Variants in HDAC9 observed in about 807,000 individuals in gnomAD.
HDAC9 encodes MEF-2 interacting transcription repressor (MITR) protein.
Under a neutral mutation model 139.4 loss-of-function variants are expected in HDAC9, and 41 were observed. The ratio of observed to expected loss-of-function variants is 0.29; its 90% CI spans 0.23 to 0.38. HDAC9 has a LOEUF of 0.38. HDAC9 is among the 10% of genes least tolerant of loss of function. The probability of loss-of-function intolerance (pLI) is 1.00; values close to 1 mark genes in which losing one functional copy is unlikely to be tolerated. For synonymous variants in HDAC9, 517 were observed against 476.2 expected, an observed-to-expected ratio of 1.09 and a Z score of -1.12; for missense variants, 1,147 against 1,297.0, an observed-to-expected ratio of 0.88 and a Z score of 1.78.
chr7:18,668,804 T>C, intron 12 of HDAC9: 1 of 983,184 alleles, frequency 1.0e-6, no homozygotes, highest in South Asian at 4.7e-5. Flanking sequence ...CCTTCTGTTA[T>C]AAGTCTCTTC....
At chr7:18,363,749 C>T (rs552551687) in intron 1 of HDAC9, among the ~76,000 whole-genome samples, 13 of 152,166 alleles carry the variant, frequency 8.5e-5, no homozygotes, top group South Asian at 4.1e-4. Flanking sequence ...TAGAGACAAA[C>T]GGGGACATTA....
chr7:18,948,714 A>C (rs1782577807), intron 23 of HDAC9, among the ~76,000 whole-genome samples: 1 of 152,176 alleles, frequency 6.6e-6, no homozygotes, highest in African/African-American at 2.4e-5. Context: ...CAAAGGGTGG[A>C]GTTCCATCTT....
At chr7:18,323,261 A>G (rs570733913) in intron 1 of HDAC9, among the ~76,000 whole-genome samples, 2 of 152,150 alleles carry the variant, frequency 1.3e-5, no homozygotes, top group Non-Finnish European at 2.9e-5. Context: ...ATCTAGACCC[A>G]CGACTATTTC....
intron 13 of HDAC9, among the ~76,000 whole-genome samples, chr7:18,741,714 G>C (rs1207592963): frequency 1.3e-5 from 2 of 152,202 alleles, no homozygotes; most frequent in East Asian, 3.9e-4. Flanking sequence ...TCCCTTGATG[G>C]GTCTGAGCAA....
chr7:18,924,228 TTAAG>T (rs765311179), intron 22 of HDAC9, among the ~76,000 whole-genome samples: 8 of 152,146 alleles, frequency 5.3e-5, no homozygotes, highest in Non-Finnish European at 7.4e-5. Context: ...CAAATATTCT[TTAAG>T]TATTTCTATT....
At chr7:18,939,155 A>G (rs759862038) in intron 23 of HDAC9, among the ~76,000 whole-genome samples, 1 of 152,222 alleles carries the variant, frequency 6.6e-6, no homozygotes, top group Non-Finnish European at 1.5e-5. Context: ...CTTCAGTTGC[A>G]TAAGCACAAC....
At chr7:18,755,778 C>A (rs1788823127) in intron 14 of HDAC9, among the ~76,000 whole-genome samples, 1 of 152,048 alleles carries the variant, frequency 6.6e-6, no homozygotes, top group Admixed American at 6.6e-5. Context: ...TTGCTGTTTT[C>A]TGAAGTGCTT....
chr7:18,322,960 T>A (rs139796336), intron 1 of HDAC9, among the ~76,000 whole-genome samples: 7 of 152,168 alleles, frequency 4.6e-5, no homozygotes, highest in African/African-American at 1.7e-4. Flanking sequence ...GAGAAGGGTG[T>A]CAGGATGGAG....
intron 25 of HDAC9, among the ~76,000 whole-genome samples, chr7:18,980,977 C>G (rs10256595): frequency 0.33 from 50,298 of 151,730 alleles, 9,189 homozygotes; most frequent in Non-Finnish European, 0.41. Flanking sequence ...GCACGTGCCA[C>G]CATGGCCAGC....
intron 6 of HDAC9, among the ~76,000 whole-genome samples, chr7:18,617,139 T>C (rs1357865746): frequency 1.3e-5 from 2 of 152,106 alleles, no homozygotes; most frequent in Admixed American, 6.6e-5. Context: ...TTTAGTTCAT[T>C]CCCTATTTTG....
intron 1 of HDAC9, among the ~76,000 whole-genome samples, chr7:18,356,610 A>G (rs1783328090): frequency 6.6e-6 from 1 of 152,012 alleles, no homozygotes; most frequent in East Asian, 1.9e-4. Flanking sequence ...CATAGGAGTA[A>G]TTTCAGTTGA....
At chr7:18,128,754 G>T (rs953520632) in intron 1 of HDAC9, among the ~76,000 whole-genome samples, 3 of 151,378 alleles carry the variant, frequency 2.0e-5, no homozygotes, top group Non-Finnish European at 4.4e-5. Context: ...CTTCTTAATG[G>T]GTCTTTGTGC....
chr7:18,378,249 A>G (rs1299744108), intron 1 of HDAC9, among the ~76,000 whole-genome samples: 2 of 151,174 alleles, frequency 1.3e-5, no homozygotes, highest in African/African-American at 4.9e-5. Flanking sequence ...TACAAATGTC[A>G]AAACTATTAG....
intron 2 of HDAC9, among the ~76,000 whole-genome samples, chr7:18,525,867 T>A (rs895399476): frequency 6.6e-6 from 1 of 152,176 alleles, no homozygotes; most frequent in African/African-American, 2.4e-5. Context: ...CATGTTTCAC[T>A]TACTTTCTGC....
chr7:18,716,753 C>G (rs1177720365), intron 12 of HDAC9, among the ~76,000 whole-genome samples: 1 of 152,090 alleles, frequency 6.6e-6, no homozygotes, highest in East Asian at 1.9e-4. Flanking sequence ...GTCCCTAAAC[C>G]TCAATCCAGA....
At position 18,730,327 on chromosome 7, in the gene HDAC9, C is replaced by T. The variant is rs934026977; in HGVS notation, c.1909+2570C>T. ...GTAATCCACATGATCTCAAAAATCA[C>T]TTTAGTATTTCTAATGATCTTGATT... On this transcript the variant is annotated intron_variant, in intron 13 of 25. Transcript: ENST00000686413. 1.2e-4 allele frequency among the ~76,000 whole-genome samples: 19 copies of T among 152,168 alleles called. 1 individual carries two copies. Among genetic ancestry groups the T allele is most frequent in the Admixed American group, 9.8e-4 (15 of 15,264 alleles).
chr7:18,324,853 C>G (rs1480618933), intron 1 of HDAC9, among the ~76,000 whole-genome samples: 1 of 152,130 alleles, frequency 6.6e-6, no homozygotes, highest in Non-Finnish European at 1.5e-5. Context: ...TGATAAATGA[C>G]ATGAGACGTC....
chr7:18,558,351 A>G (rs1248318209), intron 2 of HDAC9, among the ~76,000 whole-genome samples: 1 of 152,178 alleles, frequency 6.6e-6, no homozygotes, highest in Non-Finnish European at 1.5e-5. Flanking sequence ...CAGAGAAATA[A>G]GGGGTAAGAG....
chr7:18,181,933 G>T (rs1430955194), intron 2 of HDAC9, among the ~76,000 whole-genome samples: 1 of 152,194 alleles, frequency 6.6e-6, no homozygotes, highest in African/African-American at 2.4e-5. Context: ...AGAGGAAAAT[G>T]AGATCACATC....
Sources: gnomAD v4.1 joint callset for allele counts (sites outside exome capture counted in the v4.1 genomes callset) on GRCh38, gnomAD v4.1.1 for gene constraint, MANE v1.5 for transcripts, NCBI Gene and HGNC (gene_info 2026-07-23, HGNC 2026-07-21) for gene names.